The following SIDT1 variants were observed in gnomAD, a reference collection of about 807,000 sequenced individuals.
The protein encoded by SIDT1 is SID1 transmembrane family, member 1.
A neutral mutation model predicts 107.5 loss-of-function variants in SIDT1; 101 were observed. The observed-to-expected ratio is 0.94, with a 90% CI of 0.80 to 1.11. SIDT1 has a LOEUF of 1.11. SIDT1 is among the 50% of genes least tolerant of loss of function. The probability of loss-of-function intolerance (pLI) is 0.00; values close to 1 mark genes in which losing one functional copy is unlikely to be tolerated. For missense variants in SIDT1, 1,076 were observed against 1,058.2 expected (o/e 1.02, Z -0.23); for synonymous variants, 395 against 398.2 (o/e 0.99, Z 0.10).
downstream of SIDT1, among the ~76,000 whole-genome samples, chr3:113,630,927 T>C (rs926077739): frequency 7.2e-5 from 11 of 152,162 alleles, no homozygotes; most frequent in African/African-American, 2.4e-4. Flanking sequence ...TTTCGTTTCC[T>C]GTCCTCAGCT....
At chr3:113,615,047 C>T in intron 19 of SIDT1, 2 of 1,535,580 alleles carry the variant, frequency 1.3e-6, no homozygotes, top group Non-Finnish European at 1.7e-6. Context: ...TTCTTCTCTG[C>T]TTCCTACTGA....
At chr3:113,609,401 G>A (rs1945580703) in intron 17 of SIDT1, among the ~76,000 whole-genome samples, 1 of 152,034 alleles carries the variant, frequency 6.6e-6, no homozygotes, top group African/African-American at 2.4e-5. Context: ...TCTAAGCGCT[G>A]GTTAGCTCAG....
chr3:113,579,765 TG>T (rs1943188598), intron 4 of SIDT1, among the ~76,000 whole-genome samples: 1 of 152,238 alleles, frequency 6.6e-6, no homozygotes. Context: ...CTGTTTCGGT[TG>T]CTTTTCTCAA....
In SIDT1 at chr3:113,625,131, C is replaced by T. The variant is rs375851260; in HGVS notation, c.2308-971C>T. Among the ~76,000 whole-genome samples the T allele has an allele frequency of 3.5e-3, 396 of 113,852 alleles. 7 individuals carry two copies. The highest frequency in any genetic ancestry group is 0.013 in the African/African-American group (373 of 28,274). The allele number at this position is 113,852 out of a possible 152,430, so 74.7% of individuals were successfully genotyped here. ...ATATGGTAGCTCTATTTTTTTCTTT[C>T]TTTCTTTTTTTTGGGGGGGCGGGGG... On this transcript the variant is annotated intron_variant, in intron 23 of 24. Coordinates refer to ENST00000264852, the MANE Select transcript of SIDT1 (RefSeq NM_017699.3).
In SIDT1 at chr3:113,604,981, G is replaced by A; in HGVS notation, c.1404+5G>A. 6.2e-7 allele frequency: 1 copy of A among 1,613,842 alleles called. No homozygotes were observed. Among genetic ancestry groups the A allele is most frequent in the Non-Finnish European group, 8.5e-7 (1 of 1,180,012 alleles). The stretch of plus-strand genomic sequence containing the variant: ...CTGGTCATTACCTATCAGACAGTAA[G>A]TGCTGCCCCAGCCCCAGCCCCAGAG... On this transcript the variant is annotated splice_donor_5th_base_variant and intron_variant, in intron 14 of 24. Transcript: ENST00000264852.
intron 1 of SIDT1, among the ~76,000 whole-genome samples, chr3:113,563,440 C>G (rs1219396769): frequency 6.6e-6 from 1 of 152,176 alleles, no homozygotes; most frequent in Non-Finnish European, 1.5e-5. Context: ...GACTATGACT[C>G]AAAATTCAGG....
At chr3:113,631,221 A>G (rs116094367), downstream of SIDT1, among the ~76,000 whole-genome samples, 2,112 of 152,234 alleles carry the variant, frequency 0.014, 50 homozygotes, top group African/African-American at 0.049. Flanking sequence ...AGCTATTACA[A>G]CCCTATTTCA....
intron 1 of SIDT1, among the ~76,000 whole-genome samples, chr3:113,559,666 A>G (rs1941241086): frequency 6.6e-6 from 1 of 152,050 alleles, no homozygotes; most frequent in South Asian, 2.1e-4. Flanking sequence ...GCTGGTTTCG[A>G]ACTCCTGAGC....
At chr3:113,580,170 T>C (rs906137674) in intron 4 of SIDT1, among the ~76,000 whole-genome samples, 1 of 152,202 alleles carries the variant, frequency 6.6e-6, no homozygotes, top group Non-Finnish European at 1.5e-5. Context: ...TGGTTAAAAT[T>C]ATTGAGGAAC....
At chr3:113,561,847 A>G (rs1454929658) in intron 1 of SIDT1, among the ~76,000 whole-genome samples, 1 of 152,252 alleles carries the variant, frequency 6.6e-6, no homozygotes, top group Non-Finnish European at 1.5e-5. Context: ...AGGAAATCCC[A>G]TCTGACATTA....
chr3:113,608,823 G>C (rs952997728), intron 17 of SIDT1, among the ~76,000 whole-genome samples: 1 of 152,130 alleles, frequency 6.6e-6, no homozygotes, highest in African/African-American at 2.4e-5. Flanking sequence ...ATTTCTCTGT[G>C]ATCCCTTTGA....
At chr3:113,633,557 G>A (rs530447824), downstream of SIDT1, among the ~76,000 whole-genome samples, 61 of 152,194 alleles carry the variant, frequency 4.0e-4, no homozygotes, top group Non-Finnish European at 8.2e-4. Flanking sequence ...TAAAAGCTAT[G>A]AATGTGGAAG....
intron 6 of SIDT1, among the ~76,000 whole-genome samples, chr3:113,582,323 G>A (rs1443601852): frequency 6.6e-6 from 1 of 152,130 alleles, no homozygotes; most frequent in African/African-American, 2.4e-5. Context: ...TGTTCCCTAG[G>A]GTAAGGTGAT....
At chr3:113,619,845 C>A in intron 21 of SIDT1, 119 bp downstream of exon 21, 1 of 925,162 alleles carries the variant, frequency 1.1e-6, no homozygotes, top group Non-Finnish European at 1.7e-6. Context: ...GGTAGGACTG[C>A]TTGTTCTAGA....
In SIDT1 at chr3:113,564,058, C is replaced by T. The variant is rs1340237391; in HGVS notation, c.223-2362C>T. Among the ~76,000 whole-genome samples, 95 of 152,160 alleles carry T rather than the reference C, an allele frequency of 6.2e-4. 2 individuals carry two copies. The highest frequency in any genetic ancestry group is 6.2e-3 in the Admixed American group (95 of 15,274). On this transcript the variant is annotated intron_variant, in intron 1 of 24. Transcript: ENST00000264852. Reference sequence around the variant, plus strand: ...CTGCCTCCTGGGTTCAAGCGATTCTCCTGCCTCAGCCTCCCGAGTAGCTGT... The same window carrying T: ...CTGCCTCCTGGGTTCAAGCGATTCTTCTGCCTCAGCCTCCCGAGTAGCTGT...
intron 1 of SIDT1, among the ~76,000 whole-genome samples, chr3:113,544,633 A>G (rs969298005): frequency 6.6e-6 from 1 of 152,190 alleles, no homozygotes; most frequent in Non-Finnish European, 1.5e-5. Flanking sequence ...TGTCTTCATT[A>G]TTAGATCCAG....
At chr3:113,632,818 A>G (rs1947102674), downstream of SIDT1, 1 of 152,324 alleles carries the variant, frequency 6.6e-6, no homozygotes, top group African/African-American at 2.4e-5. Context: ...GGGTGTCCAC[A>G]CTAAGTTCGG....
chr3:113,601,899 A>G, intron 11 of SIDT1: 1 of 442,208 alleles, frequency 2.3e-6, no homozygotes, highest in Non-Finnish European at 4.0e-6. Flanking sequence ...AATTCCTTCA[A>G]TGTTTGCCAT....
downstream of SIDT1, among the ~76,000 whole-genome samples, chr3:113,633,923 T>C (rs1395310963): frequency 3.3e-5 from 5 of 152,144 alleles, no homozygotes; most frequent in Admixed American, 1.3e-4. Flanking sequence ...TAAAATATCA[T>C]GTTGGGACTA....
Sources: gnomAD v4.1 joint callset for allele counts (sites outside exome capture counted in the v4.1 genomes callset) on GRCh38, gnomAD v4.1.1 for gene constraint, MANE v1.5 for transcripts, NCBI Gene and HGNC (gene_info 2026-07-23, HGNC 2026-07-21) for gene names.